SNX1: variants seen among roughly 807,000 people sequenced by gnomAD.
SNX1 encodes the protein sorting nexin-1.
Under a neutral mutation model 71.8 loss-of-function variants are expected in SNX1, and 36 were observed. That is an observed-to-expected ratio of 0.50 (90% CI 0.38 to 0.66). The LOEUF is 0.66. Among genes scored for constraint, SNX1 ranks in the 30% least tolerant of loss-of-function variants. The pLI is 0.00. For synonymous variants in SNX1, 254 were observed against 240.7 expected, an observed-to-expected ratio of 1.06 and a Z score of -0.51; for missense variants, 612 against 646.7, an observed-to-expected ratio of 0.95 and a Z score of 0.58.
intron 1 of SNX1, among the ~76,000 whole-genome samples, chr15:64,101,677 T>G (rs1014243517): frequency 1.3e-5 from 2 of 152,320 alleles, no homozygotes; most frequent in East Asian, 1.9e-4. Context: ...TTGAAGAACC[T>G]CCATACTGCT....
At chr15:64,106,536 C>T (rs1567318072) in intron 1 of SNX1, among the ~76,000 whole-genome samples, 1 of 152,108 alleles carries the variant, frequency 6.6e-6, no homozygotes, top group Non-Finnish European at 1.5e-5. Context: ...AATCCTGCAA[C>T]CAGTGAGTAT....
At chr15:64,131,512 A>G in intron 10 of SNX1, 175 bp from the exon 11 acceptor site, 2 of 626,472 alleles carry the variant, frequency 3.2e-6, no homozygotes, top group South Asian at 2.0e-5. Flanking sequence ...ACCAGGCCAC[A>G]TTCTCTTTAC....
Position 64,134,930 on chromosome 15 carries a change from G to T in SNX1, c.1365+123G>T. The T allele has an allele frequency of 1.5e-6, 2 of 1,302,162 alleles. No homozygotes were observed. Among genetic ancestry groups the T allele is most frequent in the East Asian group, 2.5e-5 (1 of 39,226 alleles). The allele number at this position is 1,302,162 out of a possible 1,614,324, so 80.7% of individuals were successfully genotyped here. On this transcript the variant is annotated intron_variant, in intron 12 of 14. Coordinates refer to ENST00000559844, the MANE Select transcript of SNX1 (RefSeq NM_003099.5). The surrounding 1 kb of genome is among the most constrained non-coding windows in gnomAD (Gnocchi z 4.1). Reference sequence around the variant, plus strand: ...GAGCGCTGATTGAGTCTAAAGGGCCGTGGCTGCTGAGGAAGCCTCTGAGAA... The same window carrying T: ...GAGCGCTGATTGAGTCTAAAGGGCCTTGGCTGCTGAGGAAGCCTCTGAGAA...
In SNX1 at chr15:64,143,389, G is replaced by C. The variant is rs1596017534; in HGVS notation, c.*5771G>C. ...TCTCCACCAAATGCTAAACTCTGGG[G>C]TCTTACGCCTTTATAACTCCATGGG... On this transcript the variant is annotated 3_prime_UTR_variant, in exon 15 of 15. Transcript: ENST00000559844. 6.6e-6 allele frequency: 1 copy of C among 152,318 alleles called. No individual in the cohort carries two copies. The highest frequency in any genetic ancestry group is 1.9e-4 in the East Asian group (1 of 5,194). The allele number at this position is 152,318 out of a possible 1,614,324, so 9.4% of individuals were successfully genotyped here. A position where few individuals can be genotyped will look rare whatever the true frequency, so the allele number is the denominator to read the frequency against.
intron 3 of SNX1, 36 bp from the exon 4 acceptor site, chr15:64,118,752 A>T (rs751599091): frequency 4.6e-6 from 7 of 1,521,344 alleles, no homozygotes; most frequent in South Asian, 3.4e-5. Context: ...TTTTTTTTTC[A>T]TATCAACTCT....
intron 5 of SNX1, 136 bp downstream of exon 5, chr15:64,123,682 C>G (rs973512809): frequency 1.5e-6 from 1 of 688,652 alleles, no homozygotes; most frequent in South Asian, 1.8e-5. Context: ...ATAGAGCAAG[C>G]CTGCATCCCC....
At chr15:64,100,340 G>T (rs1299877684) in intron 1 of SNX1, among the ~76,000 whole-genome samples, 3 of 152,138 alleles carry the variant, frequency 2.0e-5, no homozygotes, top group African/African-American at 7.2e-5. Flanking sequence ...AGTGGCTCAT[G>T]CTTGTAATCC....
intron 11 of SNX1, 120 bp downstream of exon 11, chr15:64,132,012 C>CT (rs2081312392): frequency 1.0e-6 from 1 of 989,172 alleles, no homozygotes; most frequent in African/African-American, 1.6e-5. Flanking sequence ...ACTTTTTCTA[C>CT]TTTTAAGAGG....
chr15:64,096,780 C>G (rs933601028), intron 1 of SNX1, among the ~76,000 whole-genome samples: 5 of 152,166 alleles, frequency 3.3e-5, no homozygotes, highest in African/African-American at 1.2e-4. Flanking sequence ...AAGCTTTCTC[C>G]TTTTTAAAGG....
chr15:64,135,727 C>G (rs1250325296), intron 12 of SNX1, among the ~76,000 whole-genome samples: 1 of 143,582 alleles, frequency 7.0e-6, no homozygotes, highest in Non-Finnish European at 1.5e-5. Context: ...CCACTGCACT[C>G]CAGCCTGGCA....
At chr15:64,111,401 A>G (rs987679817) in intron 1 of SNX1, 13 of 152,246 alleles carry the variant, frequency 8.5e-5, no homozygotes, top group African/African-American at 2.7e-4. Context: ...GTTTGCTCAT[A>G]TAAGTCTAAA....
chr15:64,096,398 A>C (rs2080901604), intron 1 of SNX1, among the ~76,000 whole-genome samples: 1 of 152,116 alleles, frequency 6.6e-6, no homozygotes, highest in African/African-American at 2.4e-5. Flanking sequence ...TTCGTCGGCT[A>C]GCTCCCTAAC....
At chr15:64,100,056 A>G (rs1030655722) in intron 1 of SNX1, among the ~76,000 whole-genome samples, 4 of 152,132 alleles carry the variant, frequency 2.6e-5, no homozygotes, top group Non-Finnish European at 5.9e-5. Flanking sequence ...TTCATCTTTT[A>G]TTTTGTTTCA....
intron 2 of SNX1, among the ~76,000 whole-genome samples, chr15:64,116,327 C>A (rs1209812895): frequency 6.6e-6 from 1 of 152,140 alleles, no homozygotes; most frequent in Non-Finnish European, 1.5e-5. Flanking sequence ...GTGGCAGATG[C>A]AGAGGAAAAT....
Position 64,134,693 on chromosome 15 carries a change from G to A in SNX1, c.1251G>A (p.Trp417Ter). 6.2e-7 allele frequency: 1 copy of A among 1,613,172 alleles called. No homozygotes were observed. Among genetic ancestry groups the A allele is most frequent in the Non-Finnish European group, 8.5e-7 (1 of 1,179,938 alleles). ...CCTTCGACCAGCGCATGAAGACATG[G>A]CAGCGCTGGCAGGATGCCCAAGCCA... is the stretch of plus-strand genomic sequence containing the variant. ...RAAFDQRMKT[W>*]QRWQDAQATL... is the part of the protein sequence containing the mutation. Residue 417 changes from tryptophan to a stop codon, truncating the protein, a stop_gained, in exon 12 of 15, where the codon TGG becomes TGA. Transcript: ENST00000559844. LOFTEE classifies it high-confidence loss of function. This position sits in a 1 kb window ranked among gnomAD's most constrained non-coding sequence, Gnocchi z 4.1.
chr15:64,120,804 G>T (rs1374099032), intron 4 of SNX1, among the ~76,000 whole-genome samples: 4 of 152,154 alleles, frequency 2.6e-5, no homozygotes, highest in African/African-American at 9.7e-5. Flanking sequence ...TAATACTACT[G>T]CACTCCACGT....
rs1157458664 is a variant in SNX1 at position 64,137,035 on chromosome 15, G to A, written c.1518+103G>A. 5.9e-6 allele frequency: 5 copies of A among 852,114 alleles called. No homozygotes were observed. The South Asian group carries it at 6.1e-5, about 10-fold the overall frequency. The allele number at this position is 852,114 out of a possible 1,614,324, so 52.8% of individuals were successfully genotyped here. A position where few individuals can be genotyped will look rare whatever the true frequency, so the allele number is the denominator to read the frequency against. On this transcript the variant is annotated intron_variant, in intron 14 of 14. Transcript: ENST00000559844. ...AGATGTGCAGGCCCTGCTTCTGAGG[G>A]GCTGGGCCCTCCTATAGTCCATCAT...
At position 64,123,559 on chromosome 15, in the gene SNX1, G is replaced by A. The variant is rs1163793843; in HGVS notation, c.510+13G>A. ...AGTTACAACACAGGTGAGTCCAGGT[G>A]ACCCTGCTGATGACCATCTTCATAG... On this transcript the variant is annotated intron_variant, in intron 5 of 14. Coordinates refer to ENST00000559844, the MANE Select transcript of SNX1 (RefSeq NM_003099.5). The A allele has an allele frequency of 1.9e-6, 3 of 1,611,020 alleles. No homozygotes were observed. Among genetic ancestry groups the A allele is most frequent in the Middle Eastern group, 3.3e-4 (2 of 6,056 alleles).
intron 4 of SNX1, among the ~76,000 whole-genome samples, chr15:64,119,723 T>TAAAA (rs765691582): frequency 4.6e-4 from 63 of 138,264 alleles, no homozygotes; most frequent in Non-Finnish European, 7.8e-4. Context: ...GACTGTGTCT[T>TAAAA]AAAAAAAAAA....
Sources: gnomAD v4.1 joint callset for allele counts (sites outside exome capture counted in the v4.1 genomes callset) on GRCh38, gnomAD v4.1.1 for gene constraint, Gnocchi (gnomAD v3.1) non-coding constraint, MANE v1.5 for transcripts, NCBI Gene and HGNC (gene_info 2026-07-23, HGNC 2026-07-21) for gene names.